The following CSMD3 variants were observed in gnomAD, a reference collection of about 807,000 sequenced individuals.
The protein encoded by CSMD3 is CUB and sushi domain-containing protein 3.
Under a neutral mutation model 435.2 loss-of-function variants are expected in CSMD3, and 177 were observed. The ratio of observed to expected loss-of-function variants is 0.41; its 90% confidence interval spans 0.36 to 0.46. CSMD3 has a LOEUF of 0.46. Among genes scored for constraint, CSMD3 ranks in the 20% least tolerant of loss-of-function variants. The pLI is 0.34. For missense variants in CSMD3, 4,265 were observed against 4,504.6 expected (o/e 0.95, Z 1.52); for synonymous variants, 1,656 against 1,520.5 (o/e 1.09, Z -2.07).
At chr8:112,297,411 G>T (rs1043315413) in intron 53 of CSMD3, among the ~76,000 whole-genome samples, 1 of 151,958 alleles carries the variant, frequency 6.6e-6, no homozygotes, top group African/African-American at 2.4e-5. Flanking sequence ...GATTTATCCA[G>T]AAATGAAGTT....
intron 45 of CSMD3, among the ~76,000 whole-genome samples, chr8:112,334,841 A>C (rs951186107): frequency 1.2e-4 from 19 of 152,218 alleles, no homozygotes; most frequent in African/African-American, 4.3e-4. Flanking sequence ...ATGATCTGGA[A>C]TAGTCACTTA....
In CSMD3 at chr8:112,410,635, T is replaced by TATGTATATATATGTGTATATATAC. The variant is rs1339609475; in HGVS notation, c.5396-1604_5396-1603insGTATATATACACATATATATACAT. On this transcript the variant is annotated intron_variant, in intron 32 of 70. Coordinates refer to ENST00000297405, the MANE Select transcript of CSMD3 (RefSeq NM_198123.2). ...ATATATGTATATATATGTGTATATA[T>TATGTATATATATGTGTATATATAC]ATGTATATATATATGTGTATATATA... Among the ~76,000 whole-genome samples, 32 of 103,270 alleles carry TATGTATATATATGTGTATATATAC rather than the reference T, an allele frequency of 3.1e-4. 1 individual carries two copies. Among genetic ancestry groups the TATGTATATATATGTGTATATATAC allele is most frequent in the African/African-American group, 1.1e-3 (32 of 30,280 alleles). The allele number at this position is 103,270 out of a possible 152,430, so 67.7% of individuals were successfully genotyped here.
At chr8:113,174,027 A>G (rs935788728) in intron 3 of CSMD3, 111 bp from the exon 4 acceptor site, 1 of 815,066 alleles carries the variant, frequency 1.2e-6, no homozygotes, top group African/African-American at 1.7e-5. Flanking sequence ...TCTTTGGAGA[A>G]GAGTCACTGA....
At chr8:113,121,805 T>A (rs2131638184) in intron 4 of CSMD3, among the ~76,000 whole-genome samples, 1 of 152,262 alleles carries the variant, frequency 6.6e-6, no homozygotes, top group South Asian at 2.1e-4. Context: ...AATTTTAAGA[T>A]CTCAAAAGAA....
intron 7 of CSMD3, among the ~76,000 whole-genome samples, chr8:112,969,313 T>C (rs1247779502): frequency 6.6e-6 from 1 of 152,040 alleles, no homozygotes; most frequent in Non-Finnish European, 1.5e-5. Context: ...ATTGCTCACC[T>C]AAAATAAACG....
At chr8:112,358,522 G>A (rs189666935) in intron 38 of CSMD3, among the ~76,000 whole-genome samples, 35 of 152,260 alleles carry the variant, frequency 2.3e-4, no homozygotes, top group Admixed American at 3.3e-4. Flanking sequence ...CCAGTGGCAG[G>A]TAATTGAATC....
intron 6 of CSMD3, among the ~76,000 whole-genome samples, chr8:112,992,436 C>T (rs1034390299): frequency 1.5e-4 from 23 of 151,592 alleles, no homozygotes; most frequent in African/African-American, 3.4e-4. Context: ...TGTGAATATC[C>T]GGGTTGTTGA....
intron 3 of CSMD3, among the ~76,000 whole-genome samples, chr8:113,237,263 T>C (rs2093161073): frequency 6.6e-6 from 1 of 152,078 alleles, no homozygotes; most frequent in Non-Finnish European, 1.5e-5. Flanking sequence ...GATATCGGGG[T>C]GGGAATCAAC....
At chr8:112,457,318 A>G (rs141722560) in intron 32 of CSMD3, among the ~76,000 whole-genome samples, 174 of 152,234 alleles carry the variant, frequency 1.1e-3, no homozygotes, top group Admixed American at 3.9e-3. Context: ...AATGGAGTGA[A>G]GAGAATTCAC....
At chr8:113,247,207 C>T (rs1486954368) in intron 3 of CSMD3, among the ~76,000 whole-genome samples, 1 of 152,180 alleles carries the variant, frequency 6.6e-6, no homozygotes, top group Non-Finnish European at 1.5e-5. Flanking sequence ...ACAACTAACA[C>T]TTATTTATTT....
intron 4 of CSMD3, among the ~76,000 whole-genome samples, chr8:113,152,537 C>T (rs2091832986): frequency 1.3e-5 from 2 of 151,920 alleles, no homozygotes; most frequent in South Asian, 4.1e-4. Flanking sequence ...TAACCCAATC[C>T]CTTTTAACCT....
At position 113,111,238 on chromosome 8, in the gene CSMD3, T is replaced by TTA. The variant is rs564670602; in HGVS notation, c.710-12277_710-12276dup. ...TATTGTTTTAATCAACAAATCATGA[T>TTA]TATATATATATTTATGGGGTACAGC... is the stretch of plus-strand genomic sequence containing the variant. On this transcript the variant is annotated intron_variant, in intron 4 of 70. Coordinates refer to ENST00000297405, the MANE Select transcript of CSMD3 (RefSeq NM_198123.2). 5.9e-3 allele frequency among the ~76,000 whole-genome samples: 902 copies of TTA among 152,190 alleles called. 4 individuals carry two copies. The highest frequency in any genetic ancestry group is 0.019 in the African/African-American group (798 of 41,520).
chr8:112,864,358 C>T (rs1194767316), intron 10 of CSMD3, among the ~76,000 whole-genome samples: 2 of 152,018 alleles, frequency 1.3e-5, no homozygotes, highest in African/African-American at 4.8e-5. Flanking sequence ...AAGCGATTCT[C>T]CTGCCTCAGT....
chr8:112,232,084 T>C (rs994984333), intron 68 of CSMD3, among the ~76,000 whole-genome samples: 9 of 152,128 alleles, frequency 5.9e-5, no homozygotes, highest in African/African-American at 7.2e-5. Context: ...GGGATTGGGA[T>C]TGACAATAGT....
At chr8:112,942,050 G>C (rs966242736) in intron 9 of CSMD3, among the ~76,000 whole-genome samples, 1 of 151,086 alleles carries the variant, frequency 6.6e-6, no homozygotes, top group Non-Finnish European at 1.5e-5. Context: ...TACAATATCC[G>C]ACAGAATAGA....
At chr8:112,234,719 C>T (rs553199274) in intron 67 of CSMD3, among the ~76,000 whole-genome samples, 49 of 152,212 alleles carry the variant, frequency 3.2e-4, no homozygotes, top group Non-Finnish European at 6.3e-4. Context: ...ATTACCTATG[C>T]TATCACAATT....
intron 35 of CSMD3, among the ~76,000 whole-genome samples, chr8:112,405,732 A>G (rs2130005917): frequency 6.6e-6 from 1 of 152,170 alleles, no homozygotes; most frequent in Non-Finnish European, 1.5e-5. Context: ...TAACTAATAG[A>G]GTAAGAAAAA....
At chr8:113,398,444 A>C (rs1459607983) in intron 1 of CSMD3, among the ~76,000 whole-genome samples, 1 of 152,190 alleles carries the variant, frequency 6.6e-6, no homozygotes, top group African/African-American at 2.4e-5. Context: ...CTGGAAAAGC[A>C]AATCCCTAGT....
chr8:113,306,069 C>T (rs2132623415), intron 2 of CSMD3, among the ~76,000 whole-genome samples: 1 of 152,230 alleles, frequency 6.6e-6, no homozygotes, highest in South Asian at 2.1e-4. Context: ...TTCACTTTGT[C>T]ACTTGGTGTG....
Sources: gnomAD v4.1 joint callset for allele counts (sites outside exome capture counted in the v4.1 genomes callset) on GRCh38, gnomAD v4.1.1 for gene constraint, MANE v1.5 for transcripts, NCBI Gene and HGNC (gene_info 2026-07-23, HGNC 2026-07-21) for gene names.